Variants in STK33 observed in about 807,000 individuals in gnomAD.
STK33 encodes serine/threonine-protein kinase 33.
A neutral mutation model predicts 58.0 loss-of-function variants in STK33; 52 were observed. The ratio of observed to expected loss-of-function variants is 0.90; its 90% confidence interval spans 0.72 to 1.13. The LOEUF (loss-of-function observed/expected upper bound fraction) is 1.13. Ranked by LOEUF, STK33 falls within the 50% of genes most tolerant of loss-of-function variation. The pLI is 0.00. For synonymous variants in STK33, 215 were observed against 200.1 expected, an observed-to-expected ratio of 1.07 and a Z score of -0.63; for missense variants, 630 against 604.2, an observed-to-expected ratio of 1.04 and a Z score of -0.45.
chr11:8,520,133 A>G (rs1305775511), intron 1 of STK33, among the ~76,000 whole-genome samples: 3 of 152,222 alleles, frequency 2.0e-5, no homozygotes, highest in Non-Finnish European at 4.4e-5. Flanking sequence ...CACATCAAAA[A>G]GCTTATCCAC....
intron 1 of STK33, among the ~76,000 whole-genome samples, chr11:8,528,132 G>A (rs1954212252): frequency 6.6e-6 from 1 of 152,172 alleles, no homozygotes; most frequent in Non-Finnish European, 1.5e-5. Context: ...AGGAATGCGA[G>A]TTATGCAAAA....
chr11:8,529,488 G>A (rs768928040), intron 1 of STK33, among the ~76,000 whole-genome samples: 12 of 152,100 alleles, frequency 7.9e-5, no homozygotes, highest in Non-Finnish European at 1.8e-4. Flanking sequence ...GGGCCCCTCT[G>A]GTAGACATAA....
chr11:8,361,419 C>T, the STK33 span, among the ~76,000 whole-genome samples: 2 of 152,160 alleles, frequency 1.3e-5, no homozygotes, highest in Non-Finnish European at 2.9e-5. This position sits in a 1 kb window ranked among gnomAD's most constrained non-coding sequence, Gnocchi z 4.8. Context: ...GACCAGACCC[C>T]TGCCTGCCCT....
chr11:8,544,896 T>C (rs531365287), intron 1 of STK33, among the ~76,000 whole-genome samples: 43 of 152,210 alleles, frequency 2.8e-4, no homozygotes, highest in Non-Finnish European at 5.6e-4. Flanking sequence ...CTCCCTCTTA[T>C]ATTTAAATAT....
chr11:8,422,897 T>G lies in STK33; in HGVS notation c.1147-9205A>C, dbSNP rs1035564212. Among the ~76,000 whole-genome samples the G allele has an allele frequency of 1.8e-4, 27 of 151,356 alleles. No individual in the cohort carries two copies. The East Asian group carries it at 2.3e-3, about 13-fold the overall frequency. ...TGGAGTGCAGTAATGCAATCACGAG[T>G]CACTGCAGCCTCCGCTCTCCTAGAC... On this transcript the variant is annotated intron_variant, in intron 14 of 15. Transcript: ENST00000687296.
chr11:8,346,251 C>A, the STK33 span, among the ~76,000 whole-genome samples: 1 of 152,214 alleles, frequency 6.6e-6, no homozygotes, highest in Non-Finnish European at 1.5e-5. Flanking sequence ...CAGGTCGTGC[C>A]ACACAGGAGG....
intron 1 of STK33, among the ~76,000 whole-genome samples, chr11:8,525,942 T>C (rs946490106): frequency 3.3e-5 from 5 of 151,822 alleles, no homozygotes; most frequent in Non-Finnish European, 5.9e-5. Context: ...CCAATAAACA[T>C]AATAAAAAGT....
At chr11:8,423,086 C>G (rs1942182258) in intron 14 of STK33, among the ~76,000 whole-genome samples, 1 of 151,682 alleles carries the variant, frequency 6.6e-6, no homozygotes, top group African/African-American at 2.4e-5. Flanking sequence ...AAGCAATCCA[C>G]CCGCCTTGGC....
intron 1 of STK33, among the ~76,000 whole-genome samples, chr11:8,569,921 C>T (rs573176360): frequency 6.8e-4 from 104 of 152,172 alleles, no homozygotes; most frequent in South Asian, 6.2e-4. Flanking sequence ...TGCACTCCAG[C>T]CTGGGCAACA....
At chr11:8,432,411 C>T (rs1943533288) in intron 14 of STK33, among the ~76,000 whole-genome samples, 1 of 152,288 alleles carries the variant, frequency 6.6e-6, no homozygotes, top group Middle Eastern at 3.4e-3. Context: ...CATACTCCGG[C>T]CATTAGAGTC....
chr11:8,435,918 C>A, intron 13 of STK33, 109 bp downstream of exon 13: 1 of 572,934 alleles, frequency 1.7e-6, no homozygotes, highest in Non-Finnish European at 2.8e-6. Context: ...TGTTCATTTC[C>A]ACAAGTAAAT....
At chr11:8,502,737 G>C (rs1951610999) in intron 1 of STK33, among the ~76,000 whole-genome samples, 1 of 152,136 alleles carries the variant, frequency 6.6e-6, no homozygotes, top group East Asian at 1.9e-4. Flanking sequence ...CTATGCAACT[G>C]ACAAGGGTCA....
intron 1 of STK33, among the ~76,000 whole-genome samples, chr11:8,562,264 G>A (rs969816308): frequency 6.6e-6 from 1 of 152,048 alleles, no homozygotes; most frequent in Non-Finnish European, 1.5e-5. Context: ...ATAGCTCATT[G>A]TCATTTCTTC....
chr11:8,493,015 C>T (rs1296836225), intron 1 of STK33, among the ~76,000 whole-genome samples: 2 of 152,110 alleles, frequency 1.3e-5, no homozygotes, highest in Non-Finnish European at 2.9e-5. Context: ...AAAATTGACA[C>T]CCTAACATTA....
chr11:8,521,041 A>C (rs1039653418), intron 1 of STK33, among the ~76,000 whole-genome samples: 13 of 149,752 alleles, frequency 8.7e-5, no homozygotes, highest in Middle Eastern at 7.1e-3. Flanking sequence ...TTTATAAATA[A>C]ATAAAAATTA....
intron 1 of STK33, among the ~76,000 whole-genome samples, chr11:8,504,471 T>C (rs1476402000): frequency 1.3e-5 from 2 of 152,062 alleles, no homozygotes; most frequent in Admixed American, 6.6e-5. Flanking sequence ...TGAGATATAG[T>C]TGTCAAATAC....
At chr11:8,341,937 C>T in the STK33 span, among the ~76,000 whole-genome samples, 1 of 152,222 alleles carries the variant, frequency 6.6e-6, no homozygotes, top group Admixed American at 6.5e-5. Flanking sequence ...ACACTGACAT[C>T]AGGATTTGCA....
chr11:8,420,334 A>AT (rs999739913), intron 14 of STK33, among the ~76,000 whole-genome samples: 19 of 152,128 alleles, frequency 1.2e-4, no homozygotes, highest in African/African-American at 4.1e-4. Flanking sequence ...CACCTCAGTG[A>AT]TTTTTTTCCA....
At chr11:8,581,262 CATA>C (rs1368262796) in intron 1 of STK33, among the ~76,000 whole-genome samples, 2 of 152,070 alleles carry the variant, frequency 1.3e-5, no homozygotes, top group African/African-American at 4.8e-5. Context: ...ATTCACATCT[CATA>C]ATATTTCTGT....
Sources: allele counts gnomAD v4.1 joint callset (sites outside exome capture counted in the v4.1 genomes callset), GRCh38; gene constraint gnomAD v4.1.1; non-coding constraint Gnocchi (gnomAD v3.1); transcripts MANE v1.5; gene names NCBI Gene and HGNC (gene_info 2026-07-23, HGNC 2026-07-21).